NRF1: variants seen among roughly 807,000 people sequenced by gnomAD.
The protein encoded by NRF1 is nuclear respiratory factor 1.
NRF1 carries 5 observed loss-of-function variants against 58.5 expected under a neutral mutation model. The ratio of observed to expected loss-of-function variants is 0.09; its 90% CI spans 0.04 to 0.18. NRF1 has a LOEUF of 0.18. Among genes scored for constraint, NRF1 ranks in the 10% least tolerant of loss-of-function variants. NRF1 has a pLI of 1.00. For synonymous variants in NRF1, 224 were observed against 246.7 expected (o/e 0.91, Z 0.86); for missense variants, 288 against 657.7 (o/e 0.44, Z 6.15).
At chr7:129,614,393 G>T (rs7799885) in intron 1 of NRF1, among the ~76,000 whole-genome samples, 133,069 of 151,900 alleles carry the variant, frequency 0.88, 58,413 homozygotes, top group East Asian at 0.93. Flanking sequence ...TGGGATTACA[G>T]GCATGAGCCA....
chr7:129,626,347 C>A (rs889002088), intron 1 of NRF1, among the ~76,000 whole-genome samples: 8 of 151,994 alleles, frequency 5.3e-5, no homozygotes, highest in Non-Finnish European at 8.8e-5. Flanking sequence ...GCAGTGGCTC[C>A]GATTTTTTTT....
chr7:129,677,514 C>G, intron 3 of NRF1, 118 bp from the exon 4 acceptor site: 1 of 892,838 alleles, frequency 1.1e-6, no homozygotes, highest in African/African-American at 1.7e-5. Flanking sequence ...CCCCTTTTCA[C>G]ATTTTACGTA....
chr7:129,713,309 T>C (rs771503298), intron 8 of NRF1, among the ~76,000 whole-genome samples: 2 of 152,084 alleles, frequency 1.3e-5, no homozygotes, highest in Non-Finnish European at 2.9e-5. Flanking sequence ...CAGGATGGTC[T>C]CGATCTCTTG....
intron 9 of NRF1, among the ~76,000 whole-genome samples, chr7:129,717,971 G>A (rs1803230503): frequency 1.3e-5 from 2 of 152,218 alleles, no homozygotes; most frequent in Non-Finnish European, 2.9e-5. Flanking sequence ...TGAGAAAAAT[G>A]TGTTGCCCTT....
intron 1 of NRF1, among the ~76,000 whole-genome samples, chr7:129,616,860 G>A (rs188078349): frequency 1.6e-3 from 237 of 152,286 alleles, no homozygotes; most frequent in Non-Finnish European, 2.4e-3. Context: ...GGGAGTGTTG[G>A]TGGGGAGAAG....
chr7:129,705,765 A>G (rs966594135), intron 5 of NRF1, among the ~76,000 whole-genome samples: 2 of 152,090 alleles, frequency 1.3e-5, no homozygotes, highest in East Asian at 2.0e-4. Context: ...AAAGAAAAAA[A>G]AGAAAAGAAG....
At chr7:129,659,073 C>CTTTTTTTTTTTT (rs780109640) in intron 2 of NRF1, among the ~76,000 whole-genome samples, 5 of 88,186 alleles carry the variant, frequency 5.7e-5, no homozygotes, top group African/African-American at 9.9e-5. Flanking sequence ...CACCACAGGA[C>CTTTTTTTTTTTT]TTTTTTTTTT....
At chr7:129,739,996 C>G (rs1803810012) in intron 10 of NRF1, among the ~76,000 whole-genome samples, 1 of 152,208 alleles carries the variant, frequency 6.6e-6, no homozygotes, top group Admixed American at 6.5e-5. Context: ...GTACAGTTCT[C>G]TGCCCCATGT....
chr7:129,722,284 G>A (rs756021428), intron 9 of NRF1, among the ~76,000 whole-genome samples: 4 of 151,930 alleles, frequency 2.6e-5, no homozygotes, highest in African/African-American at 9.7e-5. Context: ...CCAGCTAGTC[G>A]GGAGGCTGAG....
intron 1 of NRF1, among the ~76,000 whole-genome samples, chr7:129,634,037 AAAAAAGATATATATAT>A (rs1562954860): frequency 1.3e-5 from 1 of 75,106 alleles, no homozygotes; most frequent in Non-Finnish European, 2.5e-5. Context: ...TTTAAAAAAA[AAAAAAGATATATATAT>A]ATATATATAC....
At chr7:129,674,540 TC>T (rs1802132660) in intron 3 of NRF1, among the ~76,000 whole-genome samples, 2 of 152,096 alleles carry the variant, frequency 1.3e-5, no homozygotes, top group East Asian at 3.9e-4. Flanking sequence ...GCTCAAGTGA[TC>T]CTCTCACTTA....
At chr7:129,717,492 AAC>A in intron 9 of NRF1, 116 bp downstream of exon 9, 1 of 1,152,200 alleles carries the variant, frequency 8.7e-7, no homozygotes. Flanking sequence ...GTTGGAACTT[AAC>A]ACTCTTGGCC....
intron 10 of NRF1, among the ~76,000 whole-genome samples, chr7:129,738,193 C>A (rs900664620): frequency 7.9e-5 from 12 of 152,230 alleles, no homozygotes; most frequent in African/African-American, 2.9e-4. Context: ...CCTTTGGAAT[C>A]ACAGGCCTTT....
At chr7:129,751,755 T>C (rs1211121503) in intron 10 of NRF1, among the ~76,000 whole-genome samples, 4 of 152,168 alleles carry the variant, frequency 2.6e-5, no homozygotes. Flanking sequence ...TTGCTTCTGG[T>C]TTTGCTTGCT....
chr7:129,698,858 C>G (rs895002221), intron 5 of NRF1, among the ~76,000 whole-genome samples: 11 of 152,158 alleles, frequency 7.2e-5, no homozygotes, highest in African/African-American at 2.7e-4. Context: ...TATGATTTTG[C>G]TAGTGGAAAA....
intron 1 of NRF1, among the ~76,000 whole-genome samples, chr7:129,654,183 A>G (rs1291462648): frequency 2.0e-5 from 3 of 152,198 alleles, no homozygotes; most frequent in Non-Finnish European, 4.4e-5. Context: ...ATGCGTAGTG[A>G]TATCTCACTG....
intron 10 of NRF1, among the ~76,000 whole-genome samples, chr7:129,750,717 T>C (rs1208027912): frequency 6.6e-6 from 1 of 152,222 alleles, no homozygotes; most frequent in African/African-American, 2.4e-5. Context: ...CCAAATATGC[T>C]TCTTCCCTGT....
intron 2 of NRF1, among the ~76,000 whole-genome samples, chr7:129,658,259 A>G (rs1024942353): frequency 5.3e-5 from 8 of 152,210 alleles, no homozygotes; most frequent in South Asian, 2.1e-4. Flanking sequence ...ACTATTATCA[A>G]TACCTGTAGA....
chr7:129,749,620 CA>C (rs1339562949), intron 10 of NRF1, among the ~76,000 whole-genome samples: 1 of 151,966 alleles, frequency 6.6e-6, no homozygotes, highest in Non-Finnish European at 1.5e-5. Flanking sequence ...TAAACCTTAC[CA>C]TGAAGCTTGA....
Sources: allele counts gnomAD v4.1 joint callset (sites outside exome capture counted in the v4.1 genomes callset), GRCh38; gene constraint gnomAD v4.1.1; transcripts MANE v1.5; gene names NCBI Gene and HGNC (gene_info 2026-07-23, HGNC 2026-07-21).